SPATA16: variants seen among roughly 807,000 people sequenced by gnomAD.
SPATA16 encodes spermatogenesis associated 16.
A neutral mutation model predicts 63.3 loss-of-function variants in SPATA16; 36 were observed. That is an observed-to-expected ratio of 0.57 (90% CI 0.44 to 0.75). The LOEUF (loss-of-function observed/expected upper bound fraction) is 0.75, where lower values mean the gene tolerates loss of function less well. SPATA16 is among the 30% of genes least tolerant of loss of function. The probability of loss-of-function intolerance (pLI) is 0.00; values close to 1 mark genes in which losing one functional copy is unlikely to be tolerated. For missense variants in SPATA16, 646 were observed against 679.3 expected, an observed-to-expected ratio of 0.95 and a Z score of 0.54; for synonymous variants, 203 against 216.7, an observed-to-expected ratio of 0.94 and a Z score of 0.56.
At chr3:172,932,520 A>G (rs530174646) in intron 6 of SPATA16, among the ~76,000 whole-genome samples, 1 of 152,258 alleles carries the variant, frequency 6.6e-6, no homozygotes. Flanking sequence ...TCGTAATGCC[A>G]ACACTTTGTC....
chr3:172,947,798 A>T (rs13323250), intron 6 of SPATA16, among the ~76,000 whole-genome samples: 5 of 152,034 alleles, frequency 3.3e-5, no homozygotes, highest in African/African-American at 1.2e-4. Flanking sequence ...GGCAAGGGGA[A>T]GGAGAGCATT....
At chr3:173,075,099 A>G (rs1434957312) in intron 2 of SPATA16, among the ~76,000 whole-genome samples, 1 of 151,810 alleles carries the variant, frequency 6.6e-6, no homozygotes, top group Non-Finnish European at 1.5e-5. Context: ...CCTCAGCATC[A>G]TGCAATATAC....
intron 3 of SPATA16, among the ~76,000 whole-genome samples, chr3:173,042,526 A>T (rs1437015571): frequency 1.3e-5 from 2 of 152,186 alleles, no homozygotes; most frequent in African/African-American, 4.8e-5. Flanking sequence ...TTTAAAAATA[A>T]TAGTCTCCTT....
intron 4 of SPATA16, among the ~76,000 whole-genome samples, chr3:173,001,725 T>C (rs866542032): frequency 9.2e-5 from 14 of 152,322 alleles, no homozygotes; most frequent in Middle Eastern, 3.4e-3. Context: ...TCTACTTGTC[T>C]GTCTCTCCAA....
In SPATA16 at chr3:173,117,455, T is replaced by C. The variant is rs770810787; in HGVS notation, c.277A>G (p.Thr93Ala). ...KRKAEGEEKP[T>A]RKKQAKITEL... The stretch of plus-strand genomic sequence containing the variant: ...GTTATCTTTGCCTGTTTCTTTCTAG[T>C]TGGCTTTTCTTCACCTTCTGCCTTC... Residue 93 changes from threonine to alanine, a missense_variant, in exon 2 of 11, where the codon ACT (threonine) becomes GCT (alanine). Coordinates refer to ENST00000351008, the MANE Select transcript of SPATA16 (RefSeq NM_031955.6). 1 of 1,614,174 alleles carries C rather than the reference T, an allele frequency of 6.2e-7. No individual in the cohort carries two copies. Among genetic ancestry groups the C allele is most frequent in the Non-Finnish European group, 8.5e-7 (1 of 1,180,008 alleles).
chr3:173,085,867 A>G (rs1422808901), intron 2 of SPATA16, among the ~76,000 whole-genome samples: 1 of 152,202 alleles, frequency 6.6e-6, no homozygotes, highest in African/African-American at 2.4e-5. Context: ...GATAATGCCA[A>G]CTTGATCGTG....
chr3:172,890,748 G>GT (rs566747383), intron 10 of SPATA16, among the ~76,000 whole-genome samples: 10,066 of 140,404 alleles, frequency 0.072, 403 homozygotes, highest in Middle Eastern at 0.093. Flanking sequence ...ATGGTCCACT[G>GT]TTTTTTTTTT....
intron 8 of SPATA16, among the ~76,000 whole-genome samples, chr3:172,919,968 C>T (rs1470891405): frequency 2.6e-5 from 4 of 152,216 alleles, no homozygotes; most frequent in Admixed American, 2.0e-4. Context: ...GCTGGGATTA[C>T]AGGCGTGAAC....
At chr3:173,121,571 A>G (rs1738073025) in intron 1 of SPATA16, among the ~76,000 whole-genome samples, 1 of 152,124 alleles carries the variant, frequency 6.6e-6, no homozygotes, top group African/African-American at 2.4e-5. Context: ...TATCGCAATT[A>G]TTCCTGAATG....
intron 10 of SPATA16, among the ~76,000 whole-genome samples, chr3:172,909,876 G>A (rs1198285596): frequency 6.6e-6 from 1 of 152,056 alleles, no homozygotes; most frequent in Non-Finnish European, 1.5e-5. Context: ...ATGAACATGG[G>A]TATCAAAGAT....
chr3:173,128,467 C>A (rs552878433), intron 1 of SPATA16, among the ~76,000 whole-genome samples: 2 of 152,234 alleles, frequency 1.3e-5, no homozygotes, highest in African/African-American at 4.8e-5. Flanking sequence ...GCATCAGAAT[C>A]CCCTGAAGCC....
At position 173,034,092 on chromosome 3, in the gene SPATA16, C is replaced by T. The variant is rs73177012; in HGVS notation, c.759-14517G>A. Among the ~76,000 whole-genome samples the T allele has an allele frequency of 1.2e-3, 187 of 152,196 alleles. 1 individual carries two copies. The highest frequency in any genetic ancestry group is 3.7e-3 in the South Asian group (18 of 4,820). ...TATTGGAAATTACTTATGATTCATT[C>T]GGCAATAATTTTTGAGTATAAACCA... On this transcript the variant is annotated intron_variant, in intron 3 of 10. Coordinates refer to ENST00000351008, the MANE Select transcript of SPATA16 (RefSeq NM_031955.6).
At chr3:173,093,607 A>C (rs548166010) in intron 2 of SPATA16, among the ~76,000 whole-genome samples, 46 of 152,190 alleles carry the variant, frequency 3.0e-4, no homozygotes, top group Non-Finnish European at 6.0e-4. Context: ...ATAAGGATTA[A>C]AATCATATTC....
At position 173,117,742 on chromosome 3, in the gene SPATA16, CA is replaced by C; in HGVS notation, c.-12del. ...GCTTCCTGCATCCATCGATCCTGCCCAAAACTCCTGCAGGGGGGAGAAAAAG... is the reference window on the plus strand; with the variant it reads ...GCTTCCTGCATCCATCGATCCTGCCCAAACTCCTGCAGGGGGGAGAAAAAG... On this transcript the variant is annotated 5_prime_UTR_variant, in exon 2 of 11. Coordinates refer to ENST00000351008, the MANE Select transcript of SPATA16 (RefSeq NM_031955.6). 6.2e-7 allele frequency: 1 copy of C among 1,614,004 alleles called. No individual in the cohort carries two copies. Among genetic ancestry groups the C allele is most frequent in the Non-Finnish European group, 8.5e-7 (1 of 1,179,964 alleles).
chr3:173,021,722 T>TTTTTTTTATTTA (rs1553794054), intron 3 of SPATA16, among the ~76,000 whole-genome samples: 4 of 139,720 alleles, frequency 2.9e-5, no homozygotes, highest in South Asian at 4.7e-4. Flanking sequence ...CCCTATTACT[T>TTTTTTTTATTTA]TTTATTTATT....
At chr3:172,961,591 C>T (rs1220598843) in intron 5 of SPATA16, among the ~76,000 whole-genome samples, 1 of 152,088 alleles carries the variant, frequency 6.6e-6, no homozygotes, top group Non-Finnish European at 1.5e-5. Flanking sequence ...GATGGGGTTT[C>T]ACCATGTTAG....
chr3:172,947,674 A>G lies in SPATA16; in HGVS notation c.1081+9003T>C, dbSNP rs537046599. On this transcript the variant is annotated intron_variant, in intron 6 of 10. Coordinates refer to ENST00000351008, the MANE Select transcript of SPATA16 (RefSeq NM_031955.6). ...ACCATCATTCTCAGCAAACTAACAC[A>G]GGAACAGAAAACCAAACACCGCACG... Among the ~76,000 whole-genome samples, 11 of 152,286 alleles carry G rather than the reference A, an allele frequency of 7.2e-5. No individual in the cohort carries two copies. The East Asian group carries it at 9.6e-4, about 13-fold the overall frequency.
chr3:173,021,440 G>A (rs1012537768), intron 3 of SPATA16, among the ~76,000 whole-genome samples: 13 of 152,236 alleles, frequency 8.5e-5, no homozygotes, highest in African/African-American at 2.6e-4. Context: ...AACACAGATC[G>A]TTTGCTTTGG....
At position 173,096,200 on chromosome 3, in the gene SPATA16, A is replaced by G. The variant is rs561663256; in HGVS notation, c.612+20920T>C. Among the ~76,000 whole-genome samples the G allele has an allele frequency of 7.9e-5, 12 of 152,190 alleles. No individual in the cohort carries two copies. In the South Asian group the frequency reaches 2.3e-3, roughly 29 times the overall value. ...GAGACAGTTACCTTAAGAAATGGGC[A>G]TTTGGGTCAGCGCTGGCACTATCAT... On this transcript the variant is annotated intron_variant, in intron 2 of 10. Coordinates refer to ENST00000351008, the MANE Select transcript of SPATA16 (RefSeq NM_031955.6).
Sources: gnomAD v4.1 joint callset for allele counts (sites outside exome capture counted in the v4.1 genomes callset) on GRCh38, gnomAD v4.1.1 for gene constraint, MANE v1.5 for transcripts, NCBI Gene and HGNC (gene_info 2026-07-23, HGNC 2026-07-21) for gene names.